The following EYA1 variants were observed in gnomAD, a reference collection of about 807,000 sequenced individuals.
EYA1 encodes the protein protein phosphatase EYA1.
EYA1 carries 16 observed loss-of-function variants against 82.0 expected under a neutral mutation model. The observed-to-expected ratio is 0.20, with a 90% CI of 0.13 to 0.30. EYA1 has a LOEUF of 0.30. Among genes scored for constraint, EYA1 ranks in the 10% least tolerant of loss-of-function variants. EYA1 has a pLI of 1.00. For synonymous variants in EYA1, 261 were observed against 264.4 expected, an observed-to-expected ratio of 0.99 and a Z score of 0.12; for missense variants, 633 against 730.7, an observed-to-expected ratio of 0.87 and a Z score of 1.54.
intron 12 of EYA1, among the ~76,000 whole-genome samples, chr8:71,237,137 C>T (rs760015033): frequency 5.9e-5 from 9 of 151,844 alleles, no homozygotes; most frequent in African/African-American, 1.5e-4. Flanking sequence ...CTGCAACCTC[C>T]GCCTCCCGGG....
At chr8:71,411,801 C>T (rs1391131870) in intron 2 of EYA1, among the ~76,000 whole-genome samples, 2 of 145,672 alleles carry the variant, frequency 1.4e-5, no homozygotes, top group East Asian at 4.1e-4. Context: ...CTAGTTCAAC[C>T]ATTGTGGAAG....
At chr8:71,394,112 C>A (rs1829444489) in intron 2 of EYA1, among the ~76,000 whole-genome samples, 1 of 152,102 alleles carries the variant, frequency 6.6e-6, no homozygotes, top group South Asian at 2.1e-4. Flanking sequence ...CTGTTCCTAT[C>A]CTTCACTCAC....
At chr8:71,440,056 AC>A (rs1767797436) in intron 2 of EYA1, among the ~76,000 whole-genome samples, 2 of 152,178 alleles carry the variant, frequency 1.3e-5, no homozygotes, top group Admixed American at 6.5e-5. Flanking sequence ...CTTGTGTGGG[AC>A]TTTGACGTGC....
chr8:71,301,051 G>C (rs10106276), intron 7 of EYA1, among the ~76,000 whole-genome samples: 88,273 of 151,690 alleles, frequency 0.58, 26,387 homozygotes, highest in East Asian at 0.83. Flanking sequence ...TAAAAAGTTA[G>C]AGTTTTACGG....
intron 2 of EYA1, among the ~76,000 whole-genome samples, chr8:71,368,010 C>T (rs1000334327): frequency 1.3e-5 from 2 of 152,122 alleles, no homozygotes; most frequent in African/African-American, 4.8e-5. Context: ...GGGTATTATA[C>T]TGAATGTTGA....
chr8:71,203,200 C>A (rs988895428), intron 17 of EYA1, among the ~76,000 whole-genome samples: 13 of 152,134 alleles, frequency 8.5e-5, no homozygotes, highest in African/African-American at 3.1e-4. Flanking sequence ...TTCTTTATAA[C>A]ATGAGCGTTT....
At chr8:71,545,077 A>G (rs1490756388) in intron 1 of EYA1, among the ~76,000 whole-genome samples, 1 of 152,272 alleles carries the variant, frequency 6.6e-6, no homozygotes, top group Non-Finnish European at 1.5e-5. Context: ...GTAAAAGGGT[A>G]GACTGAAAAC....
At chr8:71,247,990 T>C (rs1813308432) in intron 11 of EYA1, among the ~76,000 whole-genome samples, 1 of 152,212 alleles carries the variant, frequency 6.6e-6, no homozygotes, top group South Asian at 2.1e-4. Context: ...CTTGATACGG[T>C]TGCTTATTTA....
intron 17 of EYA1, among the ~76,000 whole-genome samples, chr8:71,206,687 G>A (rs1807820655): frequency 6.8e-6 from 1 of 146,432 alleles, no homozygotes. Context: ...GGATTATGAG[G>A]ATTTAATGAG....
intron 1 of EYA1, among the ~76,000 whole-genome samples, chr8:71,361,446 T>C (rs774990936): frequency 1.3e-5 from 2 of 152,214 alleles, no homozygotes; most frequent in Non-Finnish European, 2.9e-5. Flanking sequence ...AATTTGGAGG[T>C]TGGGAATTCT....
intron 16 of EYA1, among the ~76,000 whole-genome samples, chr8:71,215,132 G>C (rs199655367): frequency 6.6e-6 from 1 of 152,086 alleles, no homozygotes; most frequent in Non-Finnish European, 1.5e-5. Flanking sequence ...ATCCAGAATC[G>C]ATGCTGTTAC....
At position 71,215,599 on chromosome 8, in the gene EYA1, C is replaced by T. The variant is rs373917012; in HGVS notation, c.1475+15G>A. ...ATTGCCCATTTCCTGGCAAAGACCCCGCAGAGAGCCTCACCGGGAGTGAAT... is the reference window on the plus strand; with the variant it reads ...ATTGCCCATTTCCTGGCAAAGACCCTGCAGAGAGCCTCACCGGGAGTGAAT... On this transcript the variant is annotated intron_variant, in intron 15 of 17. Coordinates refer to ENST00000340726, the MANE Select transcript of EYA1 (RefSeq NM_000503.6). 96 of 1,612,276 alleles carry T rather than the reference C, an allele frequency of 6.0e-5. 1 individual carries two copies. The highest frequency in any genetic ancestry group is 5.2e-4 in the African/African-American group (39 of 75,014).
intron 4 of EYA1, among the ~76,000 whole-genome samples, chr8:71,326,490 G>A (rs1823166727): frequency 6.6e-6 from 1 of 152,146 alleles, no homozygotes; most frequent in African/African-American, 2.4e-5. Context: ...CTGCTGCAGG[G>A]GATGAAGCTG....
chr8:71,387,875 G>A (rs577213031), intron 2 of EYA1, among the ~76,000 whole-genome samples: 1 of 152,174 alleles, frequency 6.6e-6, no homozygotes, highest in Non-Finnish European at 1.5e-5. Context: ...AACAATTAGG[G>A]TGAGTGTGTA....
chr8:71,421,414 C>G (rs116370059), intron 2 of EYA1, among the ~76,000 whole-genome samples: 1,530 of 152,292 alleles, frequency 0.01, 30 homozygotes, highest in African/African-American at 0.035. Context: ...GGCCATCCAA[C>G]TGTTTAATGA....
intron 1 of EYA1, among the ~76,000 whole-genome samples, chr8:71,538,159 G>T (rs993676412): frequency 6.6e-6 from 1 of 152,132 alleles, no homozygotes; most frequent in African/African-American, 2.4e-5. Context: ...ATATTTAGGA[G>T]CCTGGCTCTG....
chr8:71,491,710 T>C (rs1055478042), intron 2 of EYA1, among the ~76,000 whole-genome samples: 2 of 152,200 alleles, frequency 1.3e-5, no homozygotes, highest in Non-Finnish European at 2.9e-5. Context: ...GGCAGTATTA[T>C]GGCAGCTGTA....
rs376555456 is a variant in EYA1, at chr8:71,473,626, G to A, written c.33+62118C>T. 3.2e-4 allele frequency among the ~76,000 whole-genome samples: 48 copies of A among 152,320 alleles called. 1 individual carries two copies. The South Asian group carries it at 9.5e-3, about 30-fold the overall frequency. The stretch of plus-strand genomic sequence containing the variant: ...GGGAGTGTAAATTAGTTCAACCATT[G>A]TGGAAGACAGTGTGGCGATTCCTCA... On this transcript the variant is annotated intron_variant, in intron 2 of 18. Transcript: ENST00000643681.
chr8:71,225,548 T>C (rs896799709), intron 12 of EYA1, among the ~76,000 whole-genome samples: 6 of 152,172 alleles, frequency 3.9e-5, no homozygotes, highest in Admixed American at 3.3e-4. Flanking sequence ...GAAGTGCAAG[T>C]CAAGGAATTA....
Sources: gnomAD v4.1 joint callset for allele counts (sites outside exome capture counted in the v4.1 genomes callset) on GRCh38, gnomAD v4.1.1 for gene constraint, MANE v1.5 for transcripts, NCBI Gene and HGNC (gene_info 2026-07-23, HGNC 2026-07-21) for gene names.